Variants in ZKSCAN2 observed in about 807,000 individuals in gnomAD.
The protein encoded by ZKSCAN2 is zinc finger protein with KRAB and SCAN domains 2.
In ZKSCAN2, 38 loss-of-function variants were observed where a neutral mutation model predicts 90.5. The ratio of observed to expected loss-of-function variants is 0.42; its 90% CI spans 0.32 to 0.55. The LOEUF is 0.55. ZKSCAN2 is among the 20% of genes least tolerant of loss of function. ZKSCAN2 has a pLI of 0.11. For synonymous variants in ZKSCAN2, 429 were observed against 421.6 expected (o/e 1.02, Z -0.22); for missense variants, 1,167 against 1,202.6 (o/e 0.97, Z 0.44).
intron 2 of ZKSCAN2, among the ~76,000 whole-genome samples, chr16:25,254,837 A>C (rs1963073077): frequency 6.8e-6 from 1 of 146,482 alleles, no homozygotes; most frequent in South Asian, 2.2e-4. Context: ...TCTGTCACCC[A>C]GGCTGGAATA....
intron 2 of ZKSCAN2, among the ~76,000 whole-genome samples, chr16:25,253,510 T>C (rs539131634): frequency 2.0e-5 from 3 of 151,854 alleles, no homozygotes; most frequent in Admixed American, 6.6e-5. Context: ...CATCATAATA[T>C]AAATTTGGGG....
intron 3 of ZKSCAN2, 78 bp from the exon 4 acceptor site, chr16:25,252,113 G>A: frequency 6.5e-7 from 1 of 1,538,070 alleles, no homozygotes; most frequent in Non-Finnish European, 8.9e-7. Flanking sequence ...AGATGAGGCA[G>A]AGAAGAACCC....
In ZKSCAN2 at chr16:25,244,059, C is replaced by T. The variant is rs1244516007; in HGVS notation, c.1707G>A (p.Val569=). The T allele has an allele frequency of 1.9e-6, 3 of 1,614,018 alleles. No homozygotes were observed. Among genetic ancestry groups the T allele is most frequent in the African/African-American group, 2.7e-5 (2 of 74,900 alleles). The change falls in exon 6 of 7, where the codon GTG becomes GTA. Residue 569 remains valine, a synonymous_variant. Transcript: ENST00000328086. ...CCTTGTAGAACGCGCAGGACTCTAG[C>T]ACGTGGCCATTTTTCACCTTGCGGT... The part of the protein sequence containing the change: ...KSYRKVKNGH[V]LESCAFYKEM...
intron 6 of ZKSCAN2, 88 bp from the exon 7 acceptor site, chr16:25,240,826 TC>T: frequency 1.0e-6 from 1 of 996,160 alleles, no homozygotes; most frequent in Non-Finnish European, 1.5e-6. Context: ...CCGCTTGCTC[TC>T]CATACACTTC....
At chr16:25,249,000 A>G (rs1962978761) in intron 4 of ZKSCAN2, among the ~76,000 whole-genome samples, 1 of 152,216 alleles carries the variant, frequency 6.6e-6, no homozygotes, top group South Asian at 2.1e-4. Context: ...ACGAACATGG[A>G]GAACATTATG....
rs752916193 is a variant in ZKSCAN2 at position 25,256,747 on chromosome 16, A to G, written c.381T>C (p.Thr127=). 3.7e-6 allele frequency: 6 copies of G among 1,612,740 alleles called. No individual in the cohort carries two copies. The highest frequency in any genetic ancestry group is 5.1e-6 in the Non-Finnish European group (6 of 1,179,504). The stretch of plus-strand genomic sequence containing the variant: ...CTCTCACCTGCTGTCTTAGTCTTCC[A>G]GTCTCTTTCTCCAAATGCACTACCA... ...VALVVHLEKE[T]GRLRQQVSSP... Residue 127 remains threonine, a synonymous_variant, in exon 1 of 7, where the codon ACT becomes ACC. Coordinates refer to ENST00000328086, the MANE Select transcript of ZKSCAN2 (RefSeq NM_001012981.5).
chr16:25,252,114 A>G, intron 3 of ZKSCAN2, 79 bp from the exon 4 acceptor site: 1 of 1,532,332 alleles, frequency 6.5e-7, no homozygotes. Flanking sequence ...GATGAGGCAG[A>G]GAAGAACCCT....
At chr16:25,242,852 G>C (rs1476545983) in intron 6 of ZKSCAN2, among the ~76,000 whole-genome samples, 1 of 152,254 alleles carries the variant, frequency 6.6e-6, no homozygotes, top group African/African-American at 2.4e-5. Context: ...GCAAGAGAGA[G>C]AGAAGACTGA....
Position 25,237,447 on chromosome 16 carries a change from G to C in ZKSCAN2, c.*2369C>G, listed in dbSNP as rs1962786698. ...TAAACAGAATCAGTTTGTCCCACTA[G>C]AGAGGGAATGGGTCTTGCTTGACCC... On this transcript the variant is annotated 3_prime_UTR_variant, in exon 7 of 7. Coordinates refer to ENST00000328086, the MANE Select transcript of ZKSCAN2 (RefSeq NM_001012981.5). 1 of 152,160 alleles carries C rather than the reference G, an allele frequency of 6.6e-6. No individual in the cohort carries two copies. The highest frequency in any genetic ancestry group is 2.1e-4 in the South Asian group (1 of 4,824). 9.4% of individuals were successfully genotyped at this position (152,160 alleles called of 1,614,324 possible). A position where few individuals can be genotyped will look rare whatever the true frequency, so the allele number is the denominator to read the frequency against.
chr16:25,240,101 A>T lies in ZKSCAN2; in HGVS notation c.2619T>A (p.His873Gln). Reference sequence around the variant, plus strand: ...TGTGAACTCTCCGGTGGGCGCTGAAATGAGAACTGTTGGTGAAACTTTTCC... The same window carrying T: ...TGTGAACTCTCCGGTGGGCGCTGAATTGAGAACTGTTGGTGAAACTTTTCC... ...ECGKSFTNSS[H>Q]FSAHRRVHTG... is the part of the protein sequence containing the mutation. Residue 873 changes from histidine to glutamine, a missense_variant, in exon 7 of 7, where the codon CAT becomes CAA. His to Gln is a conservative substitution (Grantham distance 24). Transcript: ENST00000328086. 12 of 1,613,314 alleles carry T rather than the reference A, an allele frequency of 7.4e-6. No homozygotes were observed. The highest frequency in any genetic ancestry group is 1.0e-5 in the Non-Finnish European group (12 of 1,179,850).
In ZKSCAN2 at chr16:25,253,002, C is replaced by T. The variant is rs1161479729; in HGVS notation, c.622G>A (p.Glu208Lys). The T allele has an allele frequency of 1.9e-6, 3 of 1,614,048 alleles. No individual in the cohort carries two copies. The highest frequency in any genetic ancestry group is 4.5e-5 in the East Asian group (2 of 44,882). Reference sequence around the variant, plus strand: ...ACTTCCTGATCTAGGGTATTCCATTCATCAGCAAGGGCAGGAACCCAGGGA... The same window carrying T: ...ACTTCCTGATCTAGGGTATTCCATTTATCAGCAAGGGCAGGAACCCAGGGA... ...PSPWVPALAD[E>K]WNTLDQEVTT... is the part of the protein sequence containing the mutation. The change falls in exon 3 of 7, where the codon GAA (glutamate) becomes AAA (lysine). Residue 208 changes from glutamate (E) to lysine (K), a missense_variant. By Grantham distance (56) the Glu-to-Lys change is moderately conservative. Transcript: ENST00000328086.
chr16:25,248,282 C>CAAAAAAAAAAAAAAAAAA (rs55673563), intron 4 of ZKSCAN2, among the ~76,000 whole-genome samples: 1 of 23,218 alleles, frequency 4.3e-5, no homozygotes, highest in Non-Finnish European at 8.5e-5. Context: ...TTCTATACAG[C>CAAAAAAAAAAAAAAAAAA]AAAAAAAAAA....
chr16:25,247,422 C>T, intron 4 of ZKSCAN2, 32 bp from the exon 5 acceptor site: 1 of 1,558,766 alleles, frequency 6.4e-7, no homozygotes, highest in Non-Finnish European at 8.7e-7. Context: ...TCATGGTAGA[C>T]ATAGAAGTCA....
chr16:25,253,034 C>T lies in ZKSCAN2; in HGVS notation c.590G>A (p.Arg197Gln), dbSNP rs531783165. 77 of 1,613,302 alleles carry T rather than the reference C, an allele frequency of 4.8e-5. 1 individual carries two copies. The South Asian group carries it at 6.3e-4, about 13-fold the overall frequency. ...AAGGGCAGGAACCCAGGGAGAAGGC[C>T]GAGCTGTAAGAATAGAAAGAAACGA... ...RERRPLPKNARPSPWVPALAD... is the reference protein window; with the variant it reads ...RERRPLPKNAQPSPWVPALAD... The change falls in exon 3 of 7, where the codon CGG (arginine) becomes CAG (glutamine). Residue 197 changes from arginine (R) to glutamine (Q), a missense_variant. Arg to Gln is a conservative substitution (Grantham distance 43). Transcript: ENST00000328086.
At position 25,247,024 on chromosome 16, in the gene ZKSCAN2, T is replaced by C. The variant is rs757159120; in HGVS notation, c.1172A>G (p.Glu391Gly). The C allele has an allele frequency of 6.2e-7, 1 of 1,614,214 alleles. No homozygotes were observed. Among genetic ancestry groups the C allele is most frequent in the South Asian group, 1.1e-5 (1 of 91,082 alleles). ...ACTTTTGAACTTGGTTCGACACTGT[T>C]CTGGGGTTCTAAGGAAGCCACATTC... is the stretch of plus-strand genomic sequence containing the variant. ...LRECGFLRTP[E>G]QCRTKFKSLQ... The change falls in exon 5 of 7, where the codon GAA (glutamate) becomes GGA (glycine). Residue 391 changes from glutamate to glycine, a missense_variant. Coordinates refer to ENST00000328086, the MANE Select transcript of ZKSCAN2 (RefSeq NM_001012981.5).
chr16:25,240,499 G>C lies in ZKSCAN2; in HGVS notation c.2221C>G (p.Pro741Ala), dbSNP rs780826829. 7.4e-6 allele frequency: 12 copies of C among 1,614,086 alleles called. No homozygotes were observed. The African/African-American group carries it at 1.1e-4, about 14-fold the overall frequency. The part of the protein sequence containing the change: ...DLGKAVVHQR[P>A]FVGKRPYRLL... ...CTGTAGGGTCTCTTCCCCACAAAAG[G>C]CCTCTGATGCACAACGGCTTTCCCT... is the stretch of plus-strand genomic sequence containing the variant. Residue 741 changes from proline (P) to alanine (A), a missense_variant, in exon 7 of 7, where the codon CCT becomes GCT. By Grantham distance (27) the Pro-to-Ala change is conservative. Transcript: ENST00000328086.
Position 25,244,189 on chromosome 16 carries a change from C to T in ZKSCAN2, c.1577G>A (p.Arg526Gln), listed in dbSNP as rs768764112. The T allele has an allele frequency of 6.2e-6, 10 of 1,614,004 alleles. No individual in the cohort carries two copies. Among genetic ancestry groups the T allele is most frequent in the East Asian group, 2.2e-5 (1 of 44,894 alleles). ...RFYEALQACH[R>Q]KSKLYGAVAE... ...TACAGCCCCATACAATTTGCTCTTC[C>T]GATGACAGGCTTGAAGCGCTTCATA... Residue 526 changes from arginine (R) to glutamine (Q), a missense_variant, in exon 6 of 7, where the codon CGG (arginine) becomes CAG (glutamine). Coordinates refer to ENST00000328086, the MANE Select transcript of ZKSCAN2 (RefSeq NM_001012981.5).
intron 4 of ZKSCAN2, among the ~76,000 whole-genome samples, chr16:25,249,761 G>A (rs1014015929): frequency 5.9e-5 from 9 of 152,138 alleles, no homozygotes; most frequent in Non-Finnish European, 1.2e-4. Context: ...AATGTAAACA[G>A]GTACAGCCAT....
intron 5 of ZKSCAN2, among the ~76,000 whole-genome samples, chr16:25,244,576 T>C (rs1277979516): frequency 2.0e-5 from 3 of 152,244 alleles, no homozygotes; most frequent in Non-Finnish European, 4.4e-5. Context: ...AAAACTGAAA[T>C]CGGTAAACTA....
Sources: gnomAD v4.1 joint callset for allele counts (sites outside exome capture counted in the v4.1 genomes callset) on GRCh38, gnomAD v4.1.1 for gene constraint, MANE v1.5 for transcripts, NCBI Gene and HGNC (gene_info 2026-07-23, HGNC 2026-07-21) for gene names.